The following SLC24A2 variants were observed in gnomAD, a reference collection of about 807,000 sequenced individuals.
The protein encoded by SLC24A2 is solute carrier family 24 member 2.
Under a neutral mutation model 62.0 loss-of-function variants are expected in SLC24A2, and 36 were observed. The observed-to-expected ratio is 0.58, with a 90% CI of 0.44 to 0.77. SLC24A2 has a LOEUF of 0.77. SLC24A2 is among the 30% of genes least tolerant of loss of function. The pLI is 0.00. For synonymous variants in SLC24A2, 358 were observed against 294.0 expected, an observed-to-expected ratio of 1.22 and a Z score of -2.23; for missense variants, 846 against 817.9, an observed-to-expected ratio of 1.03 and a Z score of -0.42.
chr9:20,067,899 C>T, the SLC24A2 span, among the ~76,000 whole-genome samples: 2 of 152,022 alleles, frequency 1.3e-5, no homozygotes, highest in Non-Finnish European at 2.9e-5. Flanking sequence ...TGGGTATATA[C>T]CCAGTAATGG....
chr9:20,256,462 G>A, the SLC24A2 span, among the ~76,000 whole-genome samples: 5 of 152,170 alleles, frequency 3.3e-5, no homozygotes, highest in African/African-American at 9.7e-5. Context: ...GAAGTAGAGT[G>A]TCTGGGCCTG....
chr9:19,572,341 T>C (rs1471186175), intron 7 of SLC24A2, among the ~76,000 whole-genome samples: 1 of 151,620 alleles, frequency 6.6e-6, no homozygotes, highest in African/African-American at 2.4e-5. Flanking sequence ...CATATGTTGA[T>C]ATGGTTTGGC....
chr9:20,157,965 G>A, the SLC24A2 span, among the ~76,000 whole-genome samples: 1 of 151,428 alleles, frequency 6.6e-6, no homozygotes, highest in Non-Finnish European at 1.5e-5. Flanking sequence ...AAGAAAGTAA[G>A]CAAACAAAAA....
intron 8 of SLC24A2, among the ~76,000 whole-genome samples, chr9:19,533,087 T>C (rs910628958): frequency 6.6e-6 from 1 of 152,214 alleles, no homozygotes; most frequent in Non-Finnish European, 1.5e-5. Flanking sequence ...CAACAAACAC[T>C]GTCATACAAT....
the SLC24A2 span, among the ~76,000 whole-genome samples, chr9:20,293,320 C>T: frequency 6.6e-6 from 1 of 152,334 alleles, no homozygotes; most frequent in South Asian, 2.1e-4. Flanking sequence ...GTAGGGTTGG[C>T]TCCCAAAGAG....
At chr9:19,767,546 G>A (rs965651273) in intron 2 of SLC24A2, among the ~76,000 whole-genome samples, 2 of 152,110 alleles carry the variant, frequency 1.3e-5, no homozygotes, top group South Asian at 2.1e-4. Context: ...CTTCCTTTGG[G>A]TAGGGGAGGG....
chr9:19,864,884 G>C, the SLC24A2 span, among the ~76,000 whole-genome samples: 1 of 151,942 alleles, frequency 6.6e-6, no homozygotes, highest in Admixed American at 6.6e-5. Flanking sequence ...AATTGGAAAG[G>C]AAAACATCAA....
chr9:20,113,606 T>C, the SLC24A2 span, among the ~76,000 whole-genome samples: 1 of 152,212 alleles, frequency 6.6e-6, no homozygotes, highest in African/African-American at 2.4e-5. Context: ...TAAAAATTTG[T>C]AAAATATGGC....
the SLC24A2 span, among the ~76,000 whole-genome samples, chr9:20,094,009 G>A: frequency 6.6e-6 from 1 of 152,106 alleles, no homozygotes; most frequent in African/African-American, 2.4e-5. Context: ...TGGTCCCTGA[G>A]AGTTTTCACG....
At chr9:19,773,445 T>C (rs1431668516) in intron 2 of SLC24A2, among the ~76,000 whole-genome samples, 2 of 152,226 alleles carry the variant, frequency 1.3e-5, no homozygotes, top group Non-Finnish European at 2.9e-5. Context: ...TTACCTACCC[T>C]GATGCCCACA....
the SLC24A2 span, among the ~76,000 whole-genome samples, chr9:20,144,318 T>G: frequency 2.6e-5 from 4 of 152,328 alleles, no homozygotes; most frequent in African/African-American, 9.6e-5. Flanking sequence ...AACAGAAACC[T>G]TAAACACCCA....
chr9:19,551,737 C>A (rs1294024213), intron 7 of SLC24A2, among the ~76,000 whole-genome samples: 2 of 152,080 alleles, frequency 1.3e-5, no homozygotes, highest in Admixed American at 6.6e-5. Context: ...GGTCAGCTGG[C>A]CTTGAGGAGA....
intron 2 of SLC24A2, among the ~76,000 whole-genome samples, chr9:19,623,763 C>G (rs1291607349): frequency 6.6e-6 from 1 of 152,124 alleles, no homozygotes; most frequent in Non-Finnish European, 1.5e-5. Context: ...TTTTTGGATT[C>G]TGGAGTCAAT....
chr9:20,258,659 C>T, the SLC24A2 span, among the ~76,000 whole-genome samples: 1 of 152,154 alleles, frequency 6.6e-6, no homozygotes, highest in Non-Finnish European at 1.5e-5. Context: ...CACCATGAAG[C>T]CACGCTATTG....
At chr9:19,970,231 T>C in the SLC24A2 span, among the ~76,000 whole-genome samples, 1 of 152,138 alleles carries the variant, frequency 6.6e-6, no homozygotes, top group Middle Eastern at 3.2e-3. Context: ...AGGGAACCCT[T>C]TCTGAAATCA....
chr9:19,710,650 C>A (rs996789950), intron 2 of SLC24A2, among the ~76,000 whole-genome samples: 23 of 152,138 alleles, frequency 1.5e-4, no homozygotes, highest in Non-Finnish European at 2.9e-4. Context: ...TATGAGGGAT[C>A]TGTAGAGCCT....
At chr9:19,525,419 T>TA (rs1554668374) in intron 9 of SLC24A2, among the ~76,000 whole-genome samples, 1 of 98,470 alleles carries the variant, frequency 1.0e-5, no homozygotes, top group Non-Finnish European at 2.0e-5. Context: ...TTTTTTTTTT[T>TA]AAAAGACAGG....
At chr9:20,162,056 A>G in the SLC24A2 span, among the ~76,000 whole-genome samples, 9 of 151,840 alleles carry the variant, frequency 5.9e-5, no homozygotes, top group African/African-American at 2.2e-4. Flanking sequence ...AAACTTAAAT[A>G]ATTCAGCAAG....
the SLC24A2 span, among the ~76,000 whole-genome samples, chr9:19,881,063 T>C: frequency 1.3e-5 from 2 of 152,174 alleles, no homozygotes; most frequent in Non-Finnish European, 2.9e-5. Context: ...TTGTGAAGGA[T>C]GATTAGTATA....
Sources: allele counts gnomAD v4.1 joint callset (sites outside exome capture counted in the v4.1 genomes callset), GRCh38; gene constraint gnomAD v4.1.1; transcripts MANE v1.5; gene names NCBI Gene and HGNC (gene_info 2026-07-23, HGNC 2026-07-21).